Variants in RELN observed in about 807,000 individuals in gnomAD.
The protein encoded by RELN is reelin.
A neutral mutation model predicts 427.6 loss-of-function variants in RELN; 108 were observed. The observed-to-expected ratio is 0.25, with a 90% CI of 0.22 to 0.30. RELN has a LOEUF of 0.30. Among genes scored for constraint, RELN ranks in the 10% least tolerant of loss-of-function variants. RELN has a pLI of 1.00. For synonymous variants in RELN, 1,524 were observed against 1,513.4 expected (o/e 1.01, Z -0.16); for missense variants, 3,715 against 4,302.8 (o/e 0.86, Z 3.82).
chr7:103,503,344 T>C (rs774724032), intron 51 of RELN, 114 bp from the exon 52 acceptor site: 1 of 828,106 alleles, frequency 1.2e-6, no homozygotes, highest in Non-Finnish European at 2.0e-6. Flanking sequence ...ACCACATCCA[T>C]CCTGTATTTT....
chr7:103,746,648 C>A lies in RELN; in HGVS notation c.656+2778G>T, dbSNP rs141720552. ...CAAAAGAAGACATTTATGCAGCCAA[C>A]AGATACATGAAAAAATGCTCATCAT... On this transcript the variant is annotated intron_variant, in intron 6 of 64. Transcript: ENST00000428762. Among the ~76,000 whole-genome samples, 404 of 152,152 alleles carry A rather than the reference C, an allele frequency of 2.7e-3. 2 individuals are homozygous for A. The highest frequency in any genetic ancestry group is 9.3e-3 in the African/African-American group (387 of 41,438).
chr7:103,884,830 T>A (rs568173568), intron 2 of RELN, among the ~76,000 whole-genome samples: 1 of 152,282 alleles, frequency 6.6e-6, no homozygotes, highest in African/African-American at 2.4e-5. Context: ...TTTACACTGT[T>A]GGTGGGAGTG....
intron 1 of RELN, among the ~76,000 whole-genome samples, chr7:103,970,614 C>G (rs1268661907): frequency 1.1e-4 from 17 of 152,290 alleles, no homozygotes; most frequent in Non-Finnish European, 4.4e-5. Context: ...ACAATCCATT[C>G]AAGCATAAGT....
chr7:103,726,460 G>T (rs946721407), intron 7 of RELN, among the ~76,000 whole-genome samples: 1 of 151,960 alleles, frequency 6.6e-6, no homozygotes, highest in African/African-American at 2.4e-5. Context: ...TGGTTGAAAG[G>T]CTAATCCCAC....
chr7:103,937,964 T>C (rs1263600111), intron 1 of RELN, among the ~76,000 whole-genome samples: 1 of 152,200 alleles, frequency 6.6e-6, no homozygotes, highest in East Asian at 1.9e-4. Context: ...CCTTCATTTT[T>C]GTGAATGAAT....
intron 43 of RELN, 122 bp downstream of exon 43, chr7:103,542,609 A>G: frequency 1.1e-6 from 1 of 943,974 alleles, no homozygotes; most frequent in Admixed American, 2.0e-5. Context: ...TAAAGAGAGA[A>G]GTTCAGTATT....
intron 20 of RELN, among the ~76,000 whole-genome samples, chr7:103,623,634 T>G (rs921921455): frequency 1.3e-5 from 2 of 152,224 alleles, no homozygotes; most frequent in Non-Finnish European, 1.5e-5. Context: ...TCTGAAGGAA[T>G]AAAGATCTGC....
intron 11 of RELN, among the ~76,000 whole-genome samples, chr7:103,669,739 T>C (rs1200789374): frequency 6.6e-6 from 1 of 152,144 alleles, no homozygotes; most frequent in Non-Finnish European, 1.5e-5. Context: ...GTTTAAATTA[T>C]GCTTTCCCCA....
intron 3 of RELN, among the ~76,000 whole-genome samples, chr7:103,780,307 C>T (rs1459214931): frequency 1.3e-5 from 2 of 152,258 alleles, no homozygotes; most frequent in South Asian, 2.1e-4. Flanking sequence ...TGCTTATTGG[C>T]ATATATTTAG....
At chr7:103,668,754 A>G (rs1269948800) in intron 11 of RELN, among the ~76,000 whole-genome samples, 2 of 152,190 alleles carry the variant, frequency 1.3e-5, no homozygotes, top group Admixed American at 6.5e-5. Flanking sequence ...CTCTTGACGC[A>G]TACATGAAAA....
rs1256148536 is a variant in RELN, at chr7:103,496,684, G to C, written c.9035C>G (p.Ala3012Gly). The C allele has an allele frequency of 6.2e-7, 1 of 1,614,136 alleles. No individual in the cohort carries two copies. Among genetic ancestry groups the C allele is most frequent in the Non-Finnish European group, 8.5e-7 (1 of 1,180,016 alleles). Reference sequence around the variant, plus strand: ...GCGAAGTCGAGTTGTGTTGGTGAGGGCATCTTCAGGAAGAAGTATGTAGTC... The same window carrying C: ...GCGAAGTCGAGTTGTGTTGGTGAGGCCATCTTCAGGAAGAAGTATGTAGTC... ...RHDYILLPED[A>G]LTNTTRLRWW... The change falls in exon 56 of 65, where the codon GCC (alanine) becomes GGC (glycine). Residue 3012 changes from alanine to glycine, a missense_variant. Physicochemically the swap from Ala to Gly is moderately conservative, Grantham distance 60 (BLOSUM62 0). Transcript: ENST00000428762.
At chr7:103,710,008 A>T (rs1789753768) in intron 8 of RELN, among the ~76,000 whole-genome samples, 1 of 152,212 alleles carries the variant, frequency 6.6e-6, no homozygotes, top group South Asian at 2.1e-4. Context: ...AAGTGTCAAT[A>T]AGACAAATGT....
intron 8 of RELN, among the ~76,000 whole-genome samples, chr7:103,710,207 T>C (rs1272899466): frequency 6.6e-6 from 1 of 152,204 alleles, no homozygotes; most frequent in Admixed American, 6.5e-5. Context: ...GGCCATATTT[T>C]ATAACACTTG....
intron 5 of RELN, among the ~76,000 whole-genome samples, chr7:103,750,062 C>G (rs993042987): frequency 2.0e-5 from 3 of 152,172 alleles, no homozygotes; most frequent in African/African-American, 2.4e-5. Flanking sequence ...TCACTGCAAC[C>G]TTAGTCTCCT....
At chr7:103,509,282 A>G (rs187823526) in intron 51 of RELN, among the ~76,000 whole-genome samples, 205 of 152,344 alleles carry the variant, frequency 1.3e-3, no homozygotes, top group African/African-American at 4.6e-3. Context: ...CAAAAACAGC[A>G]TGGTACTGGT....
intron 2 of RELN, among the ~76,000 whole-genome samples, chr7:103,842,685 G>C (rs942345374): frequency 6.6e-6 from 1 of 152,122 alleles, no homozygotes; most frequent in Non-Finnish European, 1.5e-5. Context: ...TGATTATTTG[G>C]TTTCAGATTT....
chr7:103,559,459 C>T (rs1180854153), intron 36 of RELN, among the ~76,000 whole-genome samples: 2 of 152,174 alleles, frequency 1.3e-5, no homozygotes, highest in Non-Finnish European at 2.9e-5. Flanking sequence ...TTCTTTTATG[C>T]CTAGTAATTC....
intron 2 of RELN, among the ~76,000 whole-genome samples, chr7:103,880,096 G>A (rs964294745): frequency 6.6e-6 from 1 of 151,864 alleles, no homozygotes; most frequent in Admixed American, 6.6e-5. Context: ...CCCAACAGTA[G>A]CCAAGGCTGA....
At position 103,675,009 on chromosome 7, in the gene RELN, T is replaced by TC. The variant is rs1300322412; in HGVS notation, c.1289+7106dup. On this transcript the variant is annotated intron_variant, in intron 11 of 64. Transcript: ENST00000428762. ...AGATGCCCTCTCTCACCACTCCTATTCAACATAGTGTTGGAAGTTCTGGCC... is the reference window on the plus strand; with the variant it reads ...AGATGCCCTCTCTCACCACTCCTATTCCAACATAGTGTTGGAAGTTCTGGCC... Among the ~76,000 whole-genome samples the TC allele has an allele frequency of 2.3e-4, 35 of 152,256 alleles. 1 individual carries two copies. Among genetic ancestry groups the TC allele is most frequent in the African/African-American group, 8.4e-4 (35 of 41,550 alleles).
Sources: allele counts gnomAD v4.1 joint callset (sites outside exome capture counted in the v4.1 genomes callset), GRCh38; gene constraint gnomAD v4.1.1; transcripts MANE v1.5; gene names NCBI Gene and HGNC (gene_info 2026-07-23, HGNC 2026-07-21).